Variants in SENP5 observed in about 807,000 individuals in gnomAD.
SENP5 encodes the protein SUMO specific peptidase 5, also known as sentrin-specific protease 5.
In SENP5, 21 loss-of-function variants were observed where a neutral mutation model predicts 74.2. The ratio of observed to expected loss-of-function variants is 0.28; its 90% CI spans 0.20 to 0.41. SENP5 has a LOEUF of 0.41. SENP5 is among the 10% of genes least tolerant of loss of function. The pLI is 1.00. For missense variants in SENP5, 717 were observed against 889.1 expected (o/e 0.81, Z 2.46); for synonymous variants, 311 against 312.7 (o/e 0.99, Z 0.06).
rs78757749 is a variant in SENP5, at chr3:196,926,934, G to A, written c.2023-862G>A. Among the ~76,000 whole-genome samples, 197 of 152,154 alleles carry A rather than the reference G, an allele frequency of 1.3e-3. 7 individuals carry two copies. In the East Asian group the frequency reaches 0.03, roughly 23 times the overall value. On this transcript the variant is annotated intron_variant, in intron 7 of 9. Coordinates refer to ENST00000323460, the MANE Select transcript of SENP5 (RefSeq NM_152699.5). Reference sequence around the variant, plus strand: ...GCTGGGATTACAGGTGTGAGCCACCGCGTCTGGCCCTGGTCCACTTTTGTT... The same window carrying A: ...GCTGGGATTACAGGTGTGAGCCACCACGTCTGGCCCTGGTCCACTTTTGTT...
intron 6 of SENP5, among the ~76,000 whole-genome samples, chr3:196,919,443 T>C (rs887158648): frequency 2.0e-5 from 3 of 152,164 alleles, no homozygotes; most frequent in African/African-American, 7.2e-5. Context: ...ATTGCACCAC[T>C]GCACTCCAGC....
At chr3:196,928,836 A>G (rs946733977) in intron 8 of SENP5, among the ~76,000 whole-genome samples, 1 of 152,222 alleles carries the variant, frequency 6.6e-6, no homozygotes, top group Non-Finnish European at 1.5e-5. Context: ...GGTATTCTAA[A>G]TTTAGTCAGG....
intron 8 of SENP5, 117 bp from the exon 9 acceptor site, chr3:196,929,516 C>T (rs1715944839): frequency 1.7e-6 from 1 of 599,808 alleles, no homozygotes; most frequent in Middle Eastern, 3.8e-4. Context: ...GATATACCAG[C>T]TGTCCTGGAG....
At chr3:196,891,748 A>G (rs939339889) in intron 2 of SENP5, among the ~76,000 whole-genome samples, 3 of 152,206 alleles carry the variant, frequency 2.0e-5, no homozygotes, top group African/African-American at 4.8e-5. Flanking sequence ...GAAGTGAGCT[A>G]TGGTAGCTCG....
chr3:196,892,390 G>T (rs182475504), intron 2 of SENP5, among the ~76,000 whole-genome samples: 1 of 149,772 alleles, frequency 6.7e-6, no homozygotes, highest in African/African-American at 2.5e-5. Flanking sequence ...CAAGTGATCC[G>T]CCCGGCTTAG....
At chr3:196,910,209 C>T (rs1715064661) in intron 6 of SENP5, among the ~76,000 whole-genome samples, 1 of 151,986 alleles carries the variant, frequency 6.6e-6, no homozygotes, top group South Asian at 2.1e-4. Context: ...TGAAGGACCT[C>T]TTCAAGGAGA....
At chr3:196,897,213 A>G (rs944516006) in intron 2 of SENP5, among the ~76,000 whole-genome samples, 10 of 152,218 alleles carry the variant, frequency 6.6e-5, no homozygotes, top group Non-Finnish European at 1.3e-4. Context: ...ACGAAAAATA[A>G]TTCTCAATGC....
chr3:196,898,495 C>G (rs1714546070), intron 2 of SENP5, among the ~76,000 whole-genome samples: 1 of 150,684 alleles, frequency 6.6e-6, no homozygotes, highest in African/African-American at 2.4e-5. Flanking sequence ...AGCTAACTAT[C>G]CAAGCAGGAG....
intron 8 of SENP5, 48 bp from the exon 9 acceptor site, chr3:196,929,585 G>A: frequency 1.7e-6 from 2 of 1,196,238 alleles, no homozygotes; most frequent in Non-Finnish European, 2.4e-6. Context: ...CTTATCTGAA[G>A]AGAAGTAATG....
intron 6 of SENP5, among the ~76,000 whole-genome samples, chr3:196,910,265 G>A (rs1715066355): frequency 6.7e-6 from 1 of 149,756 alleles, no homozygotes; most frequent in African/African-American, 2.5e-5. Flanking sequence ...ACAAACAAAT[G>A]GAAAAATATT....
chr3:196,930,909 C>T lies in SENP5; in HGVS notation c.2254C>T (p.Arg752Trp). 1.2e-6 allele frequency: 2 copies of T among 1,611,790 alleles called. No homozygotes were observed. Among genetic ancestry groups the T allele is most frequent in the Non-Finnish European group, 1.7e-6 (2 of 1,177,918 alleles). ...KRIYKELCEC[R>W]LMD Reference sequence around the variant, plus strand: ...GATTTACAAGGAGCTATGTGAGTGCCGGCTCATGGACTGAAACTCAGCAGG... The same window carrying T: ...GATTTACAAGGAGCTATGTGAGTGCTGGCTCATGGACTGAAACTCAGCAGG... Residue 752 changes from arginine to tryptophan, a missense_variant, in exon 10 of 10, where the codon CGG becomes TGG. Around this residue, in one of 4 missense-constraint regions of SENP5, gnomAD observed 85 missense variants for 188.9 expected, o/e 0.45. Coordinates refer to ENST00000323460, the MANE Select transcript of SENP5 (RefSeq NM_152699.5).
intron 5 of SENP5, 78 bp downstream of exon 5, chr3:196,900,490 G>A (rs6772870): frequency 0.71 from 883,880 of 1,246,308 alleles, 320,864 homozygotes; most frequent in Non-Finnish European, 0.75. Context: ...TTTTACATTT[G>A]ATGTAATTAT....
At chr3:196,930,003 AAAAC>A (rs1355970265) in intron 9 of SENP5, among the ~76,000 whole-genome samples, 2 of 152,092 alleles carry the variant, frequency 1.3e-5, no homozygotes, top group African/African-American at 4.8e-5. Flanking sequence ...AAAAAAAAAA[AAAAC>A]ATTGGCAAGC....
intron 1 of SENP5, among the ~76,000 whole-genome samples, chr3:196,879,764 T>G (rs1205551099): frequency 1.3e-5 from 2 of 152,162 alleles, no homozygotes; most frequent in Non-Finnish European, 2.9e-5. Context: ...CCTTTTTTGT[T>G]AGTTGTTATG....
Position 196,885,153 on chromosome 3 carries a change from G to T in SENP5, c.-29G>T. 6.5e-7 allele frequency: 1 copy of T among 1,533,180 alleles called. No individual in the cohort carries two copies. Among genetic ancestry groups the T allele is most frequent in the South Asian group, 1.2e-5 (1 of 84,284 alleles). 95.0% of individuals were successfully genotyped at this position (1,533,180 alleles called of 1,614,324 possible). On this transcript the variant is annotated splice_region_variant and 5_prime_UTR_variant, in exon 2 of 10. Transcript: ENST00000323460. The stretch of plus-strand genomic sequence containing the variant: ...TAACTTACTTCTCTTCTTTACAGCT[G>T]CATCCAGATCTCATTATGCATCAGA...
chr3:196,928,676 C>T (rs534085033), intron 8 of SENP5, among the ~76,000 whole-genome samples: 1 of 152,148 alleles, frequency 6.6e-6, no homozygotes, highest in South Asian at 2.1e-4. Context: ...TAACCCAAAC[C>T]CAAAGAGACA....
chr3:196,919,731 T>C (rs1210359716), intron 6 of SENP5, among the ~76,000 whole-genome samples: 2 of 151,504 alleles, frequency 1.3e-5, no homozygotes, highest in African/African-American at 4.9e-5. Flanking sequence ...AGGCGGAGGT[T>C]GCAGTGAGCC....
intron 2 of SENP5, among the ~76,000 whole-genome samples, chr3:196,889,777 A>T (rs551324649): frequency 6.6e-6 from 1 of 152,320 alleles, no homozygotes; most frequent in South Asian, 2.1e-4. Flanking sequence ...CTGGGCAAAA[A>T]GTAGAGGGAA....
At chr3:196,928,333 C>T (rs977222742) in intron 8 of SENP5, among the ~76,000 whole-genome samples, 1 of 152,212 alleles carries the variant, frequency 6.6e-6, no homozygotes, top group Non-Finnish European at 1.5e-5. Context: ...CTGGATGCAG[C>T]ACCATGCTTG....
Sources: gnomAD v4.1 joint callset for allele counts (sites outside exome capture counted in the v4.1 genomes callset) on GRCh38, gnomAD v4.1.1 for gene constraint, gnomAD v4.1.1 regional missense constraint, MANE v1.5 for transcripts, NCBI Gene and HGNC (gene_info 2026-07-23, HGNC 2026-07-21) for gene names.